SDK1: variants seen among roughly 807,000 people sequenced by gnomAD.
SDK1 encodes sidekick cell adhesion molecule 1.
A neutral mutation model predicts 245.5 loss-of-function variants in SDK1; 157 were observed. That is an observed-to-expected ratio of 0.64 (90% CI 0.56 to 0.73). SDK1 has a LOEUF of 0.73. Ranked by LOEUF, SDK1 falls within the 30% of genes least tolerant of loss-of-function variation. SDK1 has a pLI of 0.00. For synonymous variants in SDK1, 1,647 were observed against 1,278.5 expected (o/e 1.29, Z -6.15); for missense variants, 3,583 against 3,002.3 (o/e 1.19, Z -4.52).
At chr7:3,762,322 A>C (rs917551800) in intron 4 of SDK1, among the ~76,000 whole-genome samples, 1 of 152,182 alleles carries the variant, frequency 6.6e-6, no homozygotes, top group African/African-American at 2.4e-5. Context: ...CAGAAAACAG[A>C]CTGCACCTGC....
intron 36 of SDK1, among the ~76,000 whole-genome samples, chr7:4,206,783 C>T (rs1784250082): frequency 6.6e-6 from 1 of 152,102 alleles, no homozygotes; most frequent in Non-Finnish European, 1.5e-5. Flanking sequence ...CCTGTCTATT[C>T]TGCTGGGACC....
chr7:3,967,213 T>C (rs1782143348), intron 9 of SDK1, 105 bp from the exon 10 acceptor site: 1 of 828,036 alleles, frequency 1.2e-6, no homozygotes. Flanking sequence ...TTGCTACAGT[T>C]ACCTCTGTGA....
intron 1 of SDK1, among the ~76,000 whole-genome samples, chr7:3,535,814 C>T (rs191638852): frequency 2.6e-5 from 4 of 152,230 alleles, no homozygotes; most frequent in African/African-American, 4.8e-5. Flanking sequence ...AATGGATCCT[C>T]ATAAGTTCTT....
chr7:3,336,200 C>G (rs1780195211), intron 1 of SDK1, among the ~76,000 whole-genome samples: 1 of 152,200 alleles, frequency 6.6e-6, no homozygotes, highest in Non-Finnish European at 1.5e-5. Context: ...CCTCCCTTCC[C>G]AGGCTTCGAG....
chr7:3,573,940 A>T (rs1021926590), intron 1 of SDK1, among the ~76,000 whole-genome samples: 3 of 152,106 alleles, frequency 2.0e-5, no homozygotes, highest in African/African-American at 7.2e-5. Context: ...TCAATTCTAC[A>T]TGCATTTACT....
chr7:4,120,433 C>T lies in SDK1; in HGVS notation c.3823+6159C>T. ...GACTGAGGTGACTATTCAGGAACAA[C>T]AGAGGCCAGAAGACAATGGGATAAT... On this transcript the variant is annotated intron_variant, in intron 25 of 44. Coordinates refer to ENST00000404826, the MANE Select transcript of SDK1 (RefSeq NM_152744.4). Among the ~76,000 whole-genome samples the T allele has an allele frequency of 1.3e-5, 2 of 148,722 alleles. 1 individual carries two copies. The highest frequency in any genetic ancestry group is 3.0e-5 in the Non-Finnish European group (2 of 66,670).
chr7:3,677,895 A>G (rs759589804), intron 4 of SDK1, among the ~76,000 whole-genome samples: 3 of 152,196 alleles, frequency 2.0e-5, no homozygotes, highest in African/African-American at 7.2e-5. Context: ...ATAGAATCTG[A>G]TCAGAGGCTG....
chr7:3,651,034 T>C (rs1465791601), intron 4 of SDK1, among the ~76,000 whole-genome samples: 2 of 152,162 alleles, frequency 1.3e-5, no homozygotes, highest in African/African-American at 4.8e-5. Context: ...TTGTTCCTTT[T>C]TTCTGTGCAT....
In SDK1 at chr7:3,630,403, G is replaced by C. The variant is rs57985272; in HGVS notation, c.459-8601G>C. Among the ~76,000 whole-genome samples, 93 of 152,296 alleles carry C rather than the reference G, an allele frequency of 6.1e-4. 2 individuals are homozygous for C. In the East Asian group the frequency reaches 0.018, roughly 29 times the overall value. On this transcript the variant is annotated intron_variant, in intron 2 of 44. Coordinates refer to ENST00000404826, the MANE Select transcript of SDK1 (RefSeq NM_152744.4). ...ATAAGTGAGTTTAGCAACATTACAA[G>C]ATAGAAGATCAACATATAAGAATTA...
In SDK1 at chr7:3,962,804, G is replaced by C. The variant is rs1221211476; in HGVS notation, c.1382G>C (p.Ser461Thr). Residue 461 changes from serine (S) to threonine (T), a missense_variant, in exon 9 of 45, where the codon AGC becomes ACC. Physicochemically the swap from Ser to Thr is moderately conservative, Grantham distance 58. Coordinates refer to ENST00000404826, the MANE Select transcript of SDK1 (RefSeq NM_152744.4). ...TCCGGAATCTTCCAGTGCTTCGCCA[G>C]CAATGAAGGAGGGGAGATCCAGACC... The part of the protein sequence containing the change: ...EDSGIFQCFA[S>T]NEGGEIQTHT... 1.2e-6 allele frequency: 2 copies of C among 1,613,446 alleles called. No individual in the cohort carries two copies. Among genetic ancestry groups the C allele is most frequent in the Non-Finnish European group, 1.7e-6 (2 of 1,179,836 alleles).
intron 4 of SDK1, among the ~76,000 whole-genome samples, chr7:3,705,320 G>T (rs1284506244): frequency 6.6e-6 from 1 of 151,886 alleles, no homozygotes; most frequent in African/African-American, 2.4e-5. Context: ...CAATCCATGA[G>T]CATGGGATGT....
chr7:4,144,803 G>C (rs528437945), intron 28 of SDK1, among the ~76,000 whole-genome samples: 24 of 152,296 alleles, frequency 1.6e-4, no homozygotes, highest in African/African-American at 5.5e-4. Context: ...TGAGACCGGA[G>C]CGCGGCTCTG....
At chr7:3,602,559 G>A (rs938843090) in intron 1 of SDK1, among the ~76,000 whole-genome samples, 1 of 151,764 alleles carries the variant, frequency 6.6e-6, no homozygotes, top group African/African-American at 2.4e-5. Context: ...TGAGTTCATT[G>A]TAGATTCTGG....
chr7:3,881,998 TG>T (rs1018984379), intron 5 of SDK1, among the ~76,000 whole-genome samples: 9 of 152,078 alleles, frequency 5.9e-5, no homozygotes, highest in African/African-American at 2.2e-4. Flanking sequence ...AGAGGTTTAA[TG>T]GACTCACAGT....
chr7:3,748,304 C>T (rs1583370582), intron 4 of SDK1, among the ~76,000 whole-genome samples: 1 of 152,094 alleles, frequency 6.6e-6, no homozygotes, highest in Non-Finnish European at 1.5e-5. Context: ...TCCTTTATTT[C>T]CCGGATTCTC....
chr7:3,991,430 C>T (rs1025008466), intron 14 of SDK1, among the ~76,000 whole-genome samples: 4 of 152,292 alleles, frequency 2.6e-5, no homozygotes, highest in African/African-American at 9.6e-5. Context: ...TCCCTTTGCG[C>T]ACCTGCGACG....
chr7:3,746,917 T>C (rs922979407), intron 4 of SDK1, among the ~76,000 whole-genome samples: 2 of 152,200 alleles, frequency 1.3e-5, no homozygotes, highest in Non-Finnish European at 2.9e-5. Flanking sequence ...GATGAATGCT[T>C]TTCAGAAGGT....
intron 5 of SDK1, among the ~76,000 whole-genome samples, chr7:3,840,138 C>T (rs1036873741): frequency 4.6e-5 from 7 of 152,072 alleles, no homozygotes; most frequent in East Asian, 1.9e-4. Context: ...AGAGGGACAT[C>T]GTTTTTCAAA....
chr7:4,208,309 T>G (rs1784342761), intron 37 of SDK1, 24 bp downstream of exon 37: 1 of 1,604,850 alleles, frequency 6.2e-7, no homozygotes, highest in East Asian at 2.2e-5. Context: ...GGGTTTCCTT[T>G]GGGCAGGCCT....
Sources: gnomAD v4.1 joint callset for allele counts (sites outside exome capture counted in the v4.1 genomes callset) on GRCh38, gnomAD v4.1.1 for gene constraint, MANE v1.5 for transcripts, NCBI Gene and HGNC (gene_info 2026-07-23, HGNC 2026-07-21) for gene names.